PRAG1: variants seen among roughly 807,000 people sequenced by gnomAD.
PRAG1 encodes PEAK1 related, kinase-activating pseudokinase 1, also known as inactive tyrosine-protein kinase PRAG1.
PRAG1 carries 110 observed loss-of-function variants against 95.6 expected under a neutral mutation model. That is an observed-to-expected ratio of 1.15 (90% CI 0.99 to 1.35). PRAG1 has a LOEUF of 1.35. Ranked by LOEUF, PRAG1 falls within the 40% of genes most tolerant of loss-of-function variation. The pLI is 0.00. For missense variants in PRAG1, 2,554 were observed against 1,864.7 expected, an observed-to-expected ratio of 1.37 and a Z score of -6.81; for synonymous variants, 1,052 against 819.4, an observed-to-expected ratio of 1.28 and a Z score of -4.85.
At position 8,367,919 on chromosome 8, in the gene PRAG1, G is replaced by A. The variant is rs189863281; in HGVS notation, c.2162+8328C>T. On this transcript the variant is annotated intron_variant, in intron 3 of 5. Coordinates refer to ENST00000615670, the MANE Select transcript of PRAG1 (RefSeq NM_001080826.3). ...GCCTCCCAAAATGCTGGGATTACAGGCGTGAGCCATCACGCCTGGCCGTAT... is the reference window on the plus strand; with the variant it reads ...GCCTCCCAAAATGCTGGGATTACAGACGTGAGCCATCACGCCTGGCCGTAT... Among the ~76,000 whole-genome samples, 105 of 152,270 alleles carry A rather than the reference G, an allele frequency of 6.9e-4. 2 individuals are homozygous for A. The highest frequency in any genetic ancestry group is 5.6e-3 in the Admixed American group (85 of 15,302).
intron 4 of PRAG1, among the ~76,000 whole-genome samples, chr8:8,331,462 AATT>A (rs1798815321): frequency 6.6e-6 from 1 of 152,088 alleles, no homozygotes; most frequent in East Asian, 1.9e-4. Context: ...AATAGTCTAT[AATT>A]TCAGCTACTC....
At chr8:8,353,437 C>A (rs981747337) in intron 3 of PRAG1, among the ~76,000 whole-genome samples, 5 of 151,690 alleles carry the variant, frequency 3.3e-5, no homozygotes, top group South Asian at 2.1e-4. Flanking sequence ...AATAATGAAA[C>A]AACATGCTCC....
chr8:8,329,684 T>G (rs1798757792), intron 4 of PRAG1, among the ~76,000 whole-genome samples: 1 of 152,214 alleles, frequency 6.6e-6, no homozygotes, highest in Non-Finnish European at 1.5e-5. Flanking sequence ...ACCTTCTAGC[T>G]CACACTGAGC....
In PRAG1 at chr8:8,377,525, G is replaced by C; in HGVS notation, c.884C>G (p.Ser295Cys). ...SPTCWEQGKC[S>C]GPAEQEKRGP... ...CCGCTTCTCCTGCTCTGCGGGCCCGGAACACTTCCCCTGCTCCCAGCACGT... is the reference window on the plus strand; with the variant it reads ...CCGCTTCTCCTGCTCTGCGGGCCCGCAACACTTCCCCTGCTCCCAGCACGT... Residue 295 changes from serine (S) to cysteine (C), a missense_variant, in exon 3 of 6, where the codon TCC (serine) becomes TGC (cysteine). Ser to Cys is a moderately radical substitution (Grantham distance 112). Transcript: ENST00000615670. 4 of 1,580,428 alleles carry C rather than the reference G, an allele frequency of 2.5e-6. No homozygotes were observed. Among genetic ancestry groups the C allele is most frequent in the Non-Finnish European group, 3.4e-6 (4 of 1,162,146 alleles).
rs759014941 is a variant in PRAG1 at position 8,378,198 on chromosome 8, G to T, written c.331-120C>A. On this transcript the variant is annotated intron_variant, in intron 2 of 5. Coordinates refer to ENST00000615670, the MANE Select transcript of PRAG1 (RefSeq NM_001080826.3). Reference sequence around the variant, plus strand: ...AGAATGTCTTCTGTAGTGCAGTGCAGGGGCGCTGGGGCCGGGGACTCAGTG... The same window carrying T: ...AGAATGTCTTCTGTAGTGCAGTGCATGGGCGCTGGGGCCGGGGACTCAGTG... 2.1e-5 allele frequency: 25 copies of T among 1,178,486 alleles called. No homozygotes were observed. In the African/African-American group the frequency reaches 3.4e-4, roughly 16 times the overall value. The allele number at this position is 1,178,486 out of a possible 1,614,324, so 73.0% of individuals were successfully genotyped here.
intron 3 of PRAG1, among the ~76,000 whole-genome samples, chr8:8,375,216 G>GTTTTTTTGT (rs1800345454): frequency 6.9e-6 from 1 of 145,582 alleles, no homozygotes; most frequent in Non-Finnish European, 1.5e-5. Context: ...TTTTTTTTTT[G>GTTTTTTTGT]TTTTTTTGAG....
Position 8,318,294 on chromosome 8 carries a change from G to T in PRAG1, c.4081C>A (p.Leu1361Met). Residue 1361 changes from leucine (L) to methionine (M), a missense_variant, in exon 6 of 6, where the codon CTG (leucine) becomes ATG (methionine). Coordinates refer to ENST00000615670, the MANE Select transcript of PRAG1 (RefSeq NM_001080826.3). This position sits in a 1 kb window ranked among gnomAD's most constrained non-coding sequence, Gnocchi z 4.2. ...TTCTCCGCAAACTTCATCATCATCA[G>T]GGCCCGCTTCATGTCGATCCAGTTG... ...LHNWIDMKRA[L>M]MMMKFAEKAV... The T allele has an allele frequency of 6.2e-7, 1 of 1,614,184 alleles. No individual in the cohort carries two copies. The highest frequency in any genetic ancestry group is 8.5e-7 in the Non-Finnish European group (1 of 1,180,006).
intron 4 of PRAG1, among the ~76,000 whole-genome samples, chr8:8,332,337 AT>A (rs1194303208): frequency 1.3e-5 from 2 of 151,676 alleles, no homozygotes; most frequent in Admixed American, 1.3e-4. Flanking sequence ...AATTTTTTGT[AT>A]TTTTAGTAGA....
intron 3 of PRAG1, among the ~76,000 whole-genome samples, chr8:8,349,880 A>G (rs1799462970): frequency 6.6e-6 from 1 of 151,976 alleles, no homozygotes; most frequent in Non-Finnish European, 1.5e-5. Context: ...TATTCAGTAG[A>G]AACCATTTAA....
intron 5 of PRAG1, among the ~76,000 whole-genome samples, chr8:8,320,099 A>T (rs1798427028): frequency 6.6e-6 from 1 of 152,244 alleles, no homozygotes; most frequent in African/African-American, 2.4e-5. Flanking sequence ...AGCAACACAC[A>T]GTGTGGTCGG....
rs372709302 is a variant in PRAG1 at position 8,328,476 on chromosome 8, C to G, written c.2321-15G>C. On this transcript the variant is annotated splice_polypyrimidine_tract_variant and intron_variant, in intron 4 of 5. Transcript: ENST00000615670. ...AGACGAGGGACCTGAAGAGGAGAGA[C>G]AGAAACCATAAGACCAAGGCCAGTG... 2 of 1,612,316 alleles carry G rather than the reference C, an allele frequency of 1.2e-6. No homozygotes were observed. The highest frequency in any genetic ancestry group is 2.7e-5 in the African/African-American group (2 of 74,912).
chr8:8,321,378 C>T (rs974281100), intron 5 of PRAG1, among the ~76,000 whole-genome samples: 1 of 152,246 alleles, frequency 6.6e-6, no homozygotes, highest in Non-Finnish European at 1.5e-5. Flanking sequence ...AACCACGGTG[C>T]CTGGCCTGCA....
At chr8:8,376,074 C>T (rs887863539) in intron 3 of PRAG1, among the ~76,000 whole-genome samples, 173 bp downstream of exon 3, 6 of 152,148 alleles carry the variant, frequency 3.9e-5, no homozygotes, top group African/African-American at 1.4e-4. Flanking sequence ...AAGAGGGCCA[C>T]AACTCCTGCT....
intron 4 of PRAG1, 144 bp downstream of exon 4, chr8:8,339,334 G>T: frequency 2.4e-6 from 2 of 837,482 alleles, no homozygotes; most frequent in Non-Finnish European, 3.6e-6. Context: ...GACTTCAACA[G>T]CTCCCTGGAA....
At position 8,318,559 on chromosome 8, in the gene PRAG1, C is replaced by G. The variant is rs1469221156; in HGVS notation, c.3816G>C (p.Glu1272Asp). 2.5e-6 allele frequency: 4 copies of G among 1,613,730 alleles called. No homozygotes were observed. The highest frequency in any genetic ancestry group is 3.4e-6 in the Non-Finnish European group (4 of 1,179,956). ...CTCTCTCCCGCAGCTGGGCGCGCAC[C>G]TCGAACGGGTTGGGTTGGTGCAGCA... is the stretch of plus-strand genomic sequence containing the variant. ...YELLHQPNPF[E>D]VRAQLRERDY... The change falls in exon 6 of 6, where the codon GAG (glutamate) becomes GAC (aspartate). Residue 1272 changes from glutamate to aspartate, a missense_variant. By Grantham distance (45) the Glu-to-Asp change is conservative. Coordinates refer to ENST00000615670, the MANE Select transcript of PRAG1 (RefSeq NM_001080826.3). This position sits in a 1 kb window ranked among gnomAD's most constrained non-coding sequence, Gnocchi z 4.2.
intron 4 of PRAG1, among the ~76,000 whole-genome samples, chr8:8,334,195 G>C (rs1798913879): frequency 6.6e-6 from 1 of 152,212 alleles, no homozygotes; most frequent in Non-Finnish European, 1.5e-5. Flanking sequence ...TGCAATCCCA[G>C]TACTTTGGTG....
At chr8:8,351,591 T>G (rs1799524106) in intron 3 of PRAG1, among the ~76,000 whole-genome samples, 1 of 152,002 alleles carries the variant, frequency 6.6e-6, no homozygotes, top group Non-Finnish European at 1.5e-5. Context: ...TGAGAAAGAG[T>G]TGATTTGTCC....
Position 8,377,882 on chromosome 8 carries a change from G to T in PRAG1, c.527C>A (p.Ala176Asp), listed in dbSNP as rs766689790. The T allele has an allele frequency of 5.6e-6, 9 of 1,614,102 alleles. No homozygotes were observed. The highest frequency in any genetic ancestry group is 6.8e-6 in the Non-Finnish European group (8 of 1,180,010). Residue 176 changes from alanine to aspartate, a missense_variant, in exon 3 of 6, where the codon GCC becomes GAC. By Grantham distance (126) the Ala-to-Asp change is moderately radical. Transcript: ENST00000615670. The part of the protein sequence containing the change: ...NLEPRGERNI[A>D]FHPVSFPEEK... Reference sequence around the variant, plus strand: ...CTCCGGGAAGCTCACCGGGTGGAAGGCAATGTTCCTCTCGCCGCGGGGCTC... The same window carrying T: ...CTCCGGGAAGCTCACCGGGTGGAAGTCAATGTTCCTCTCGCCGCGGGGCTC...
At chr8:8,346,150 C>A (rs1799334454) in intron 3 of PRAG1, among the ~76,000 whole-genome samples, 1 of 152,190 alleles carries the variant, frequency 6.6e-6, no homozygotes, top group African/African-American at 2.4e-5. Context: ...GACTACTTAG[C>A]CTTTTTTAAA....
Sources: allele counts gnomAD v4.1 joint callset (sites outside exome capture counted in the v4.1 genomes callset), GRCh38; gene constraint gnomAD v4.1.1; non-coding constraint Gnocchi (gnomAD v3.1); transcripts MANE v1.5; gene names NCBI Gene and HGNC (gene_info 2026-07-23, HGNC 2026-07-21).